Variants in SORBS2 observed in about 807,000 individuals in gnomAD.
SORBS2 encodes sorbin and SH3 domain containing 2.
SORBS2 carries 46 observed loss-of-function variants against 97.7 expected under a neutral mutation model. The observed-to-expected ratio is 0.47, with a 90% CI of 0.37 to 0.60. The LOEUF (loss-of-function observed/expected upper bound fraction) is 0.60. Ranked by LOEUF, SORBS2 falls within the 20% of genes least tolerant of loss-of-function variation. The pLI is 0.00. For missense variants in SORBS2, 1,316 were observed against 1,282.3 expected (o/e 1.03, Z -0.40); for synonymous variants, 476 against 473.4 (o/e 1.01, Z -0.07).
chr4:185,679,001 A>G, intron 2 of SORBS2, among the ~76,000 whole-genome samples, 179 bp from the exon 6 acceptor site: 1 of 152,148 alleles, frequency 6.6e-6, no homozygotes, highest in South Asian at 2.1e-4. Context: ...TTCAATTAGA[A>G]TGTCATTCAT....
intron 1 of SORBS2, among the ~76,000 whole-genome samples, chr4:185,902,555 T>C (rs2099248270): frequency 6.6e-6 from 1 of 152,190 alleles, no homozygotes; most frequent in South Asian, 2.1e-4. Context: ...ACATGAATCT[T>C]TTGATCAGTT....
At chr4:185,920,877 A>G (rs1166020610) in intron 1 of SORBS2, among the ~76,000 whole-genome samples, 1 of 152,236 alleles carries the variant, frequency 6.6e-6, no homozygotes, top group Non-Finnish European at 1.5e-5. Context: ...GTACAAATTC[A>G]CAGAATATGA....
intron 1 of SORBS2, among the ~76,000 whole-genome samples, chr4:185,945,374 A>T (rs1184751376): frequency 1.3e-5 from 2 of 152,272 alleles, no homozygotes; most frequent in Admixed American, 6.5e-5. Flanking sequence ...CATATGACTT[A>T]GCAAATTTTT....
chr4:185,911,260 C>T (rs1312580518), intron 1 of SORBS2, among the ~76,000 whole-genome samples: 1 of 152,136 alleles, frequency 6.6e-6, no homozygotes, highest in Non-Finnish European at 1.5e-5. Context: ...CAGAGTCTCG[C>T]TCTGTCACCC....
chr4:185,894,342 G>T (rs1290094024), intron 1 of SORBS2: 1 of 151,850 alleles, frequency 6.6e-6, no homozygotes, highest in African/African-American at 2.4e-5. Context: ...ATCAAAATTA[G>T]ATTTTGACTG....
chr4:185,811,321 C>T (rs2099183092), intron 1 of SORBS2, among the ~76,000 whole-genome samples: 1 of 152,184 alleles, frequency 6.6e-6, no homozygotes, highest in Non-Finnish European at 1.5e-5. Flanking sequence ...AGTCAAAGTG[C>T]AGGTCACGAA....
At position 185,811,797 on chromosome 4, in the gene SORBS2, C is replaced by T. The variant is rs2099186601; in HGVS notation, c.-337-36431G>A. 6.6e-6 allele frequency: 1 copy of T among 152,500 alleles called. No individual in the cohort carries two copies. 9.4% of individuals were successfully genotyped at this position (152,500 alleles called of 1,614,324 possible). A position where few individuals can be genotyped will look rare whatever the true frequency, so the allele number is the denominator to read the frequency against. On this transcript the variant is annotated intron_variant, in intron 1 of 20. The change creates a premature stop within an existing upstream ORF in the 5' untranslated region. Coordinates refer to the SORBS2 transcript ENST00000284776. ...CGAGAGCGTCCGCCTGCGTTCCAGT[C>T]CAGTGCCCGTCCCAGCACACACCTG...
chr4:185,736,384 A>C (rs1313397330), intron 2 of SORBS2, among the ~76,000 whole-genome samples: 2 of 152,198 alleles, frequency 1.3e-5, no homozygotes, highest in Non-Finnish European at 2.9e-5. Context: ...CTGGTCTGTG[A>C]GTGCCCTGGG....
At chr4:185,646,807 A>G (rs758308681) in intron 3 of SORBS2, 25 bp from the exon 13 acceptor site, 4 of 1,277,198 alleles carry the variant, frequency 3.1e-6, no homozygotes, top group Non-Finnish European at 4.6e-6. Context: ...TAAATCACAC[A>G]TTAAAATAAT....
intron 4 of SORBS2, among the ~76,000 whole-genome samples, chr4:185,676,141 C>T (rs2097786085): frequency 6.6e-6 from 1 of 152,188 alleles, no homozygotes. Context: ...TGAGTGCTTG[C>T]TCTAGCCTAG....
chr4:185,921,859 C>T (rs1008597261), intron 1 of SORBS2, among the ~76,000 whole-genome samples: 2 of 152,230 alleles, frequency 1.3e-5, no homozygotes, highest in African/African-American at 2.4e-5. Context: ...CCAGTATCAA[C>T]ACTCTTCAGC....
intron 1 of SORBS2, among the ~76,000 whole-genome samples, chr4:185,823,455 T>C (rs2099197984): frequency 6.6e-6 from 1 of 152,086 alleles, no homozygotes; most frequent in African/African-American, 2.4e-5. Context: ...ACAATAACAA[T>C]GTTTAATAAC....
Position 185,607,606 on chromosome 4 carries a change from G to A in SORBS2, c.2796+4174C>T, listed in dbSNP as rs548047197. Among the ~76,000 whole-genome samples, 1 of 152,082 alleles carries A rather than the reference G, an allele frequency of 6.6e-6. No individual in the cohort carries two copies. Among genetic ancestry groups the A allele is most frequent in the African/African-American group, 2.4e-5 (1 of 41,410 alleles). Reference sequence around the variant, plus strand: ...AAATGAAACTCTACTAGTTTTGGAAGGGGTCTTAAATGTCAAACAAGATAA... The same window carrying A: ...AAATGAAACTCTACTAGTTTTGGAAAGGGTCTTAAATGTCAAACAAGATAA... On this transcript the variant is annotated intron_variant, in intron 12 of 14. Transcript: ENST00000418609. The surrounding 1 kb of genome is among the most constrained non-coding windows in gnomAD (Gnocchi z 5.2).
At chr4:185,643,901 C>T (rs141224685) in intron 4 of SORBS2, among the ~76,000 whole-genome samples, 44 of 152,330 alleles carry the variant, frequency 2.9e-4, no homozygotes, top group Middle Eastern at 3.4e-3. Flanking sequence ...TCATTCAGCA[C>T]GCCTGCTCTT....
intron 1 of SORBS2, among the ~76,000 whole-genome samples, chr4:185,916,409 G>A (rs1008841550): frequency 2.6e-5 from 4 of 152,122 alleles, no homozygotes; most frequent in Non-Finnish European, 4.4e-5. Flanking sequence ...TGCCTGTCAC[G>A]CCCACAGTTG....
chr4:185,659,094 TG>T (rs2097463757), upstream of SORBS2, among the ~76,000 whole-genome samples: 2 of 152,222 alleles, frequency 1.3e-5, no homozygotes, highest in African/African-American at 2.4e-5. Flanking sequence ...TTGTAACATT[TG>T]TAACTGCTAT....
At chr4:185,634,253 C>A (rs145991699) in intron 4 of SORBS2, among the ~76,000 whole-genome samples, 13 of 152,254 alleles carry the variant, frequency 8.5e-5, no homozygotes, top group Non-Finnish European at 1.8e-4. Flanking sequence ...AGACTCTATA[C>A]CTGCAATTCC....
intron 12 of SORBS2, among the ~76,000 whole-genome samples, chr4:185,610,946 G>T (rs1168003402): frequency 6.6e-6 from 1 of 152,012 alleles, no homozygotes; most frequent in African/African-American, 2.4e-5. Context: ...TTCATAAAAA[G>T]AATATAATTC....
exon 15 of SORBS2, chr4:185,586,363 C>CAT (rs1280842930): frequency 6.6e-6 from 1 of 152,606 alleles, no homozygotes; most frequent in Non-Finnish European, 1.5e-5. Context: ...AATGATTTAA[C>CAT]ATTGCTTCTA....
Sources: allele counts gnomAD v4.1 joint callset (sites outside exome capture counted in the v4.1 genomes callset), GRCh38; gene constraint gnomAD v4.1.1; non-coding constraint Gnocchi (gnomAD v3.1); transcripts MANE v1.5; gene names NCBI Gene and HGNC (gene_info 2026-07-23, HGNC 2026-07-21).